The following SEL1L3 variants were observed in gnomAD, a reference collection of about 807,000 sequenced individuals.
SEL1L3 encodes the protein protein sel-1 homolog 3.
SEL1L3 carries 76 observed loss-of-function variants against 142.8 expected under a neutral mutation model. That is an observed-to-expected ratio of 0.53 (90% confidence interval 0.44 to 0.64). The LOEUF is 0.64. Ranked by LOEUF, SEL1L3 falls within the 30% of genes least tolerant of loss-of-function variation. The pLI is 0.00. For synonymous variants in SEL1L3, 504 were observed against 519.6 expected, an observed-to-expected ratio of 0.97 and a Z score of 0.41; for missense variants, 1,262 against 1,381.7, an observed-to-expected ratio of 0.91 and a Z score of 1.37.
chr4:25,715,595 G>A, the SEL1L3 span, among the ~76,000 whole-genome samples: 10 of 152,092 alleles, frequency 6.6e-5, no homozygotes, highest in South Asian at 2.1e-4. Flanking sequence ...ATCTACACAC[G>A]CGTGTGCCAT....
At chr4:25,860,066 A>G (rs999759310) in intron 1 of SEL1L3, among the ~76,000 whole-genome samples, 1 of 152,184 alleles carries the variant, frequency 6.6e-6, no homozygotes, top group African/African-American at 2.4e-5. Flanking sequence ...TCAATCTCAG[A>G]CTGTATGGCC....
chr4:25,843,902 T>C (rs1016321297), intron 2 of SEL1L3, among the ~76,000 whole-genome samples: 3 of 152,252 alleles, frequency 2.0e-5, no homozygotes, highest in African/African-American at 7.2e-5. Flanking sequence ...CTCGGGAGCC[T>C]TGGCAAAGCC....
intron 1 of SEL1L3, among the ~76,000 whole-genome samples, chr4:25,853,892 G>A (rs893065454): frequency 2.0e-5 from 3 of 151,912 alleles, no homozygotes; most frequent in Non-Finnish European, 4.4e-5. Flanking sequence ...GGCTGGTCTC[G>A]AACTCCTGAC....
At chr4:25,771,790 C>G (rs1719227909) in intron 17 of SEL1L3, among the ~76,000 whole-genome samples, 1 of 152,322 alleles carries the variant, frequency 6.6e-6, no homozygotes, top group South Asian at 2.1e-4. Context: ...AGGGGTAAGG[C>G]AGAGAGAAAT....
chr4:25,791,911 TAAA>T (rs55799752), intron 11 of SEL1L3, among the ~76,000 whole-genome samples: 1 of 134,456 alleles, frequency 7.4e-6, no homozygotes, highest in Non-Finnish European at 1.6e-5. Flanking sequence ...AGACTCAGTC[TAAA>T]AAAAAAAAAA....
chr4:25,857,110 T>G (rs1435955778), intron 1 of SEL1L3, among the ~76,000 whole-genome samples: 2 of 152,170 alleles, frequency 1.3e-5, no homozygotes, highest in Admixed American at 6.5e-5. Context: ...ATCAAAAAGG[T>G]AAGTGTCTTG....
At chr4:25,772,118 C>T (rs1050556456) in intron 17 of SEL1L3, among the ~76,000 whole-genome samples, 38 of 152,144 alleles carry the variant, frequency 2.5e-4, no homozygotes, top group Non-Finnish European at 3.7e-4. Context: ...AAAAATGTCA[C>T]GTTGGACGGT....
chr4:25,737,633 A>T, the SEL1L3 span, among the ~76,000 whole-genome samples: 1 of 152,160 alleles, frequency 6.6e-6, no homozygotes. Flanking sequence ...TTCAGTCCAT[A>T]ACAAAAATAC....
intron 20 of SEL1L3, 199 bp from the exon 21 acceptor site, chr4:25,759,267 G>T: frequency 1.8e-6 from 1 of 543,992 alleles, no homozygotes; most frequent in Non-Finnish European, 3.2e-6. Flanking sequence ...GAACCAGGAG[G>T]CTTTCAGAAG....
intron 13 of SEL1L3, among the ~76,000 whole-genome samples, chr4:25,785,324 T>C (rs1711722868): frequency 6.6e-6 from 1 of 152,226 alleles, no homozygotes; most frequent in Non-Finnish European, 1.5e-5. Flanking sequence ...GAGGTGCTGC[T>C]GTTATTCTCA....
At chr4:25,845,933 G>A (rs1205536891) in intron 2 of SEL1L3, among the ~76,000 whole-genome samples, 1 of 152,140 alleles carries the variant, frequency 6.6e-6, no homozygotes, top group Non-Finnish European at 1.5e-5. Flanking sequence ...GTGCATTAGA[G>A]TCGTGAGGAA....
At chr4:25,782,549 G>A (rs1326173114) in intron 14 of SEL1L3, 131 bp from the exon 15 acceptor site, 2 of 785,264 alleles carry the variant, frequency 2.5e-6, no homozygotes, top group Non-Finnish European at 4.0e-6. Context: ...TGGAGCAGAT[G>A]GCATTAAAGA....
rs187831783 is a variant in SEL1L3 at position 25,821,886 on chromosome 4, C to T, written c.1290+110G>A. 54 of 1,079,960 alleles carry T rather than the reference C, an allele frequency of 5.0e-5. 1 individual carries two copies. The highest frequency in any genetic ancestry group is 2.6e-4 in the African/African-American group (16 of 62,552). 66.9% of individuals were successfully genotyped at this position (1,079,960 alleles called of 1,614,324 possible). The stretch of plus-strand genomic sequence containing the variant: ...TATTAATGATGTCTGATGACAGAGG[C>T]GATGCATGGTCTGGCTTGGGTAAAC... On this transcript the variant is annotated intron_variant, in intron 7 of 23. Coordinates refer to ENST00000399878, the MANE Select transcript of SEL1L3 (RefSeq NM_015187.5).
chr4:25,774,676 A>G (rs1278695475), intron 17 of SEL1L3, among the ~76,000 whole-genome samples: 1 of 152,210 alleles, frequency 6.6e-6, no homozygotes, highest in Non-Finnish European at 1.5e-5. Context: ...CCTGGCCAAC[A>G]TGAAGAAACC....
At chr4:25,790,256 A>G (rs1328758826) in intron 12 of SEL1L3, among the ~76,000 whole-genome samples, 199 bp downstream of exon 12, 2 of 152,138 alleles carry the variant, frequency 1.3e-5, no homozygotes, top group Non-Finnish European at 2.9e-5. Context: ...ATGGTTTTGG[A>G]AACCTCTGTC....
At chr4:25,813,080 C>T (rs1338206924) in intron 9 of SEL1L3, among the ~76,000 whole-genome samples, 1 of 152,152 alleles carries the variant, frequency 6.6e-6, no homozygotes, top group Admixed American at 6.5e-5. Context: ...AATTGGAACC[C>T]TTGTGCACCG....
intron 9 of SEL1L3, among the ~76,000 whole-genome samples, chr4:25,817,016 A>G (rs1487345597): frequency 1.3e-5 from 2 of 152,172 alleles, no homozygotes; most frequent in African/African-American, 4.8e-5. Flanking sequence ...AAAATCCATT[A>G]CTATTTTTCT....
chr4:25,827,180 G>C (rs1215724188), intron 6 of SEL1L3, among the ~76,000 whole-genome samples: 1 of 152,034 alleles, frequency 6.6e-6, no homozygotes, highest in African/African-American at 2.4e-5. Context: ...CATGATTACT[G>C]TTGAGTTAAA....
At chr4:25,833,332 C>A in intron 4 of SEL1L3, 116 bp downstream of exon 4, 2 of 1,002,012 alleles carry the variant, frequency 2.0e-6, no homozygotes, top group Non-Finnish European at 2.9e-6. Context: ...GAAGTCATTG[C>A]TCTTGCTGGG....
Sources: gnomAD v4.1 joint callset for allele counts (sites outside exome capture counted in the v4.1 genomes callset) on GRCh38, gnomAD v4.1.1 for gene constraint, MANE v1.5 for transcripts, NCBI Gene and HGNC (gene_info 2026-07-23, HGNC 2026-07-21) for gene names.